Variants in APPL2 observed in about 807,000 individuals in gnomAD.
APPL2 encodes DCC-interacting protein 13-beta.
A neutral mutation model predicts 92.7 loss-of-function variants in APPL2; 84 were observed. That is an observed-to-expected ratio of 0.91 (90% confidence interval 0.76 to 1.09). APPL2 has a LOEUF of 1.09. Among genes scored for constraint, APPL2 ranks in the 50% least tolerant of loss-of-function variants. The pLI, the probability that APPL2 is intolerant of heterozygous loss-of-function variation, is 0.00. For synonymous variants in APPL2, 291 were observed against 291.0 expected (o/e 1.00, Z 0.00); for missense variants, 736 against 824.5 (o/e 0.89, Z 1.31).
intron 5 of APPL2, among the ~76,000 whole-genome samples, chr12:105,210,407 G>A (rs1442205322): frequency 6.6e-6 from 1 of 152,030 alleles, no homozygotes; most frequent in Non-Finnish European, 1.5e-5. Context: ...GGCTTTTTTG[G>A]GGCCAGCAAC....
chr12:105,178,762 T>C (rs2135888637), intron 17 of APPL2, among the ~76,000 whole-genome samples: 1 of 152,298 alleles, frequency 6.6e-6, no homozygotes, highest in Admixed American at 6.5e-5. Context: ...ATGAGAAGTG[T>C]GTATGGGAAT....
chr12:105,187,798 T>C (rs1176970975), intron 17 of APPL2, among the ~76,000 whole-genome samples: 1 of 152,188 alleles, frequency 6.6e-6, no homozygotes, highest in African/African-American at 2.4e-5. Context: ...TACAGTATCA[T>C]ACACCCATGT....
At chr12:105,219,228 G>C (rs889969839) in intron 2 of APPL2, among the ~76,000 whole-genome samples, 1 of 152,194 alleles carries the variant, frequency 6.6e-6, no homozygotes, top group Non-Finnish European at 1.5e-5. Flanking sequence ...GAATACAGTA[G>C]AGCCAAGTCC....
chr12:105,196,376 G>A (rs1430649183), intron 11 of APPL2, among the ~76,000 whole-genome samples: 1 of 150,196 alleles, frequency 6.7e-6, no homozygotes, highest in African/African-American at 2.4e-5. Flanking sequence ...ATGGAGGCCC[G>A]GGAATAAGGT....
intron 4 of APPL2, among the ~76,000 whole-genome samples, chr12:105,212,202 G>A (rs1470253087): frequency 6.6e-6 from 1 of 151,112 alleles, no homozygotes; most frequent in Non-Finnish European, 1.5e-5. Flanking sequence ...AAGGACCTGA[G>A]AATAAGATAA....
chr12:105,209,966 CTT>C (rs534907811), intron 5 of APPL2, among the ~76,000 whole-genome samples: 3 of 146,368 alleles, frequency 2.0e-5, no homozygotes, highest in Non-Finnish European at 1.5e-5. Flanking sequence ...AATCTTCACC[CTT>C]TTTTTTTTTT....
chr12:105,209,316 T>C (rs539376390), intron 5 of APPL2, among the ~76,000 whole-genome samples: 26 of 152,210 alleles, frequency 1.7e-4, no homozygotes, highest in African/African-American at 6.0e-4. Flanking sequence ...CAAAGTGAGG[T>C]CCTGATGGCA....
intron 1 of APPL2, among the ~76,000 whole-genome samples, chr12:105,232,734 A>G (rs1018894159): frequency 7.1e-6 from 1 of 140,322 alleles, no homozygotes; most frequent in African/African-American, 2.7e-5. Context: ...ACTGCACCCC[A>G]GTCTGGGCAA....
At chr12:105,218,947 G>T (rs1339261923) in intron 2 of APPL2, among the ~76,000 whole-genome samples, 2 of 152,176 alleles carry the variant, frequency 1.3e-5, no homozygotes, top group African/African-American at 4.8e-5. Context: ...TGGCTACACA[G>T]CGGTTTTCTA....
At chr12:105,218,603 G>T (rs904027309) in intron 2 of APPL2, among the ~76,000 whole-genome samples, 1 of 152,230 alleles carries the variant, frequency 6.6e-6, no homozygotes, top group Non-Finnish European at 1.5e-5. Context: ...CTGAAGTGGA[G>T]CGTGGCTGGG....
At chr12:105,210,570 T>C (rs967736567) in intron 5 of APPL2, among the ~76,000 whole-genome samples, 1 of 152,252 alleles carries the variant, frequency 6.6e-6, no homozygotes, top group Non-Finnish European at 1.5e-5. Context: ...ATGTGCATTT[T>C]GTGACTACTT....
chr12:105,214,053 T>C (rs530448273), intron 4 of APPL2, among the ~76,000 whole-genome samples: 1 of 152,162 alleles, frequency 6.6e-6, no homozygotes, highest in East Asian at 1.9e-4. Flanking sequence ...GGCGTGGTGG[T>C]GCATGCCTGT....
At chr12:105,212,317 T>A (rs923489583) in intron 4 of APPL2, among the ~76,000 whole-genome samples, 1 of 152,172 alleles carries the variant, frequency 6.6e-6, no homozygotes, top group Non-Finnish European at 1.5e-5. Flanking sequence ...GTAAATTATC[T>A]AGGAGAAATA....
chr12:105,191,950 C>A (rs1031505454), intron 14 of APPL2, among the ~76,000 whole-genome samples: 1 of 152,132 alleles, frequency 6.6e-6, no homozygotes, highest in Non-Finnish European at 1.5e-5. Flanking sequence ...CACTGCTGTT[C>A]AGTGCTATGA....
At chr12:105,193,981 C>T (rs906007783) in intron 14 of APPL2, among the ~76,000 whole-genome samples, 1 of 152,188 alleles carries the variant, frequency 6.6e-6, no homozygotes, top group Non-Finnish European at 1.5e-5. Flanking sequence ...TATTTTCTGG[C>T]CTTACCTTCT....
chr12:105,217,827 G>A lies in APPL2; in HGVS notation c.154-102C>T, dbSNP rs976200920. 101 of 1,053,316 alleles carry A rather than the reference G, an allele frequency of 9.6e-5. No homozygotes were observed. The African/African-American group carries it at 9.7e-4, about 10-fold the overall frequency. The allele number at this position is 1,053,316 out of a possible 1,614,324, so 65.2% of individuals were successfully genotyped here. On this transcript the variant is annotated intron_variant, in intron 2 of 20. Transcript: ENST00000258530. ...TCCCTTAAAAAGTAATATTGGCTGG[G>A]TCCAGTGGTGCACACCTATAATCCT...
intron 7 of APPL2, 72 bp from the exon 8 acceptor site, chr12:105,207,279 A>C: frequency 1.4e-6 from 2 of 1,458,600 alleles, no homozygotes; most frequent in South Asian, 1.3e-5. Context: ...CGTGTGCTTC[A>C]AAATGTGTGT....
chr12:105,183,165 G>C (rs1886282410), intron 17 of APPL2, among the ~76,000 whole-genome samples: 1 of 148,912 alleles, frequency 6.7e-6, no homozygotes, highest in South Asian at 2.1e-4. Context: ...CACATGAGAT[G>C]GGTCTCCTGA....
At chr12:105,178,180 T>C (rs1300262548) in intron 17 of APPL2, among the ~76,000 whole-genome samples, 2 of 152,226 alleles carry the variant, frequency 1.3e-5, no homozygotes, top group Non-Finnish European at 2.9e-5. Flanking sequence ...AGAGAATTTA[T>C]TGCTATCTTA....
Sources: gnomAD v4.1 joint callset for allele counts (sites outside exome capture counted in the v4.1 genomes callset) on GRCh38, gnomAD v4.1.1 for gene constraint, MANE v1.5 for transcripts, NCBI Gene and HGNC (gene_info 2026-07-23, HGNC 2026-07-21) for gene names.